Variants in LARS1 observed in about 807,000 individuals in gnomAD.
LARS1 encodes the protein leucyl-tRNA synthetase 1.
In LARS1, 100 loss-of-function variants were observed where a neutral mutation model predicts 162.8. The observed-to-expected ratio is 0.61, with a 90% CI of 0.52 to 0.73. LARS1 has a LOEUF of 0.73. LARS1 is among the 30% of genes least tolerant of loss of function. LARS1 has a pLI of 0.00. For missense variants in LARS1, 1,258 were observed against 1,408.9 expected (o/e 0.89, Z 1.71); for synonymous variants, 457 against 462.8 (o/e 0.99, Z 0.16).
rs764528161 is a variant in LARS1 at position 146,172,029 on chromosome 5, T to C, written c.214-39A>G. The stretch of plus-strand genomic sequence containing the variant: ...ATTAAATTTAAATTGCAAATTTAAA[T>C]GCCAGACAAATACAAAATGTGAACT... On this transcript the variant is annotated intron_variant, in intron 3 of 31. Transcript: ENST00000394434. The C allele has an allele frequency of 2.3e-5, 35 of 1,510,608 alleles. No individual in the cohort carries two copies. In the Admixed American group the frequency reaches 6.0e-4, roughly 26 times the overall value. The allele number at this position is 1,510,608 out of a possible 1,614,324, so 93.6% of individuals were successfully genotyped here. A position where few individuals can be genotyped will look rare whatever the true frequency, so the allele number is the denominator to read the frequency against.
intron 28 of LARS1, among the ~76,000 whole-genome samples, chr5:146,124,324 G>A (rs2126389102): frequency 6.6e-6 from 1 of 151,910 alleles, no homozygotes; most frequent in Admixed American, 6.6e-5. Context: ...GAAAAGATGG[G>A]AAGGCACAAG....
chr5:146,126,682 T>A, intron 27 of LARS1, 137 bp from the exon 28 acceptor site: 2 of 592,136 alleles, frequency 3.4e-6, no homozygotes, highest in Non-Finnish European at 6.1e-6. Context: ...AGCCCTAGCA[T>A]CACGGGGAAG....
In LARS1 at chr5:146,151,915, C is replaced by T; in HGVS notation, c.1372G>A (p.Glu458Lys). Residue 458 changes from glutamate (E) to lysine (K), a missense_variant, in exon 14 of 32, where the codon GAA becomes AAA. Physicochemically the swap from Glu to Lys is moderately conservative, Grantham distance 56 (BLOSUM62 1). Coordinates refer to ENST00000394434, the MANE Select transcript of LARS1 (RefSeq NM_020117.11). ...ELKIQSQNDR[E>K]KLAEAKEKIY... ...TTCTCCTTTGCTTCTGCAAGTTTTT[C>T]CCGGTCATTCTGGCTCTGAATTTTC... is the stretch of plus-strand genomic sequence containing the variant. 6.2e-7 allele frequency: 1 copy of T among 1,614,084 alleles called. No homozygotes were observed. The highest frequency in any genetic ancestry group is 1.1e-5 in the South Asian group (1 of 91,086).
At chr5:146,175,759 C>T (rs62373813) in intron 2 of LARS1, among the ~76,000 whole-genome samples, 33,574 of 150,276 alleles carry the variant, frequency 0.22, 4,787 homozygotes, top group Admixed American at 0.34. Context: ...ACCCGGCAGG[C>T]GGAGCTTGCA....
chr5:146,136,832 G>A (rs1475482600), intron 21 of LARS1, among the ~76,000 whole-genome samples: 1 of 152,130 alleles, frequency 6.6e-6, no homozygotes, highest in African/African-American at 2.4e-5. Flanking sequence ...TTAGGGCACA[G>A]GCTAAGTCTG....
chr5:146,117,374 C>A (rs1751602807), intron 31 of LARS1, among the ~76,000 whole-genome samples: 1 of 152,152 alleles, frequency 6.6e-6, no homozygotes, highest in African/African-American at 2.4e-5. Flanking sequence ...CTTTGGGAGG[C>A]CGAGACAGGC....
chr5:146,150,246 C>G (rs574591998), intron 14 of LARS1, among the ~76,000 whole-genome samples: 1 of 152,304 alleles, frequency 6.6e-6, no homozygotes, highest in South Asian at 2.1e-4. Flanking sequence ...AAGCCTCAAT[C>G]ACCTTCCAGC....
Position 146,157,630 on chromosome 5 carries a change from TGAGAAA to T in LARS1, c.840-8_840-3del. 1 of 1,612,638 alleles carries T rather than the reference TGAGAAA, an allele frequency of 6.2e-7. No individual in the cohort carries two copies. On this transcript the variant is annotated splice_polypyrimidine_tract_variant and splice_region_variant and intron_variant, in intron 9 of 31. Coordinates refer to ENST00000394434, the MANE Select transcript of LARS1 (RefSeq NM_020117.11). ...AAAATATTTTTACCTTTCAGGCCAC[TGAGAAA>T]AAAAAACAAATATTGATGTAAAAAC...
intron 1 of LARS1, among the ~76,000 whole-genome samples, chr5:146,177,997 C>A (rs1046533105): frequency 2.0e-5 from 3 of 151,942 alleles, no homozygotes; most frequent in African/African-American, 7.3e-5. Context: ...ACTCAGGAGG[C>A]TGAGGCAGGA....
intron 23 of LARS1, 106 bp downstream of exon 23, chr5:146,132,792 A>C: frequency 1.3e-6 from 1 of 781,846 alleles, no homozygotes; most frequent in Non-Finnish European, 1.9e-6. Context: ...TATTATCATT[A>C]GTTTATTTTA....
At chr5:146,172,847 G>C (rs1238608053) in intron 2 of LARS1, 73 bp from the exon 3 acceptor site, 2 of 668,826 alleles carry the variant, frequency 3.0e-6, no homozygotes, top group East Asian at 6.3e-5. Flanking sequence ...AAGGAAGTGG[G>C]GTGAAGGAAA....
chr5:146,167,255 A>T (rs945541707), intron 5 of LARS1, among the ~76,000 whole-genome samples: 1 of 152,212 alleles, frequency 6.6e-6, no homozygotes, highest in Non-Finnish European at 1.5e-5. Context: ...TAGTTTAGTA[A>T]ACACTACTGT....
chr5:146,133,334 T>C (rs955892878), intron 22 of LARS1, among the ~76,000 whole-genome samples: 1 of 152,172 alleles, frequency 6.6e-6, no homozygotes, highest in Non-Finnish European at 1.5e-5. Context: ...CTCAGGCATG[T>C]TGAGTTAATG....
chr5:146,149,694 C>T lies in LARS1; in HGVS notation c.1431G>A (p.Met477Ile), dbSNP rs780577819. Reference protein sequence around the residue: ...IYLKGFYEGIMLVDGFKGQKV... With the variant: ...IYLKGFYEGIILVDGFKGQKV... The stretch of plus-strand genomic sequence containing the variant: ...TCTGTCCTTTAAATCCATCCACCAA[C>T]ATGATCTAAAAGGATGAGAGGGGAG... The change falls in exon 15 of 32, where the codon ATG becomes ATA. Residue 477 changes from methionine to isoleucine, a missense_variant. By Grantham distance (10) the Met-to-Ile change is conservative (BLOSUM62 1). Transcript: ENST00000394434. 1.2e-6 allele frequency: 2 copies of T among 1,609,460 alleles called. No individual in the cohort carries two copies. The highest frequency in any genetic ancestry group is 2.2e-5 in the South Asian group (2 of 90,968).
chr5:146,163,066 C>T (rs532132995), intron 6 of LARS1, among the ~76,000 whole-genome samples: 1 of 152,326 alleles, frequency 6.6e-6, no homozygotes, highest in East Asian at 1.9e-4. Flanking sequence ...ACCTTGGCCT[C>T]CCAAAATGCT....
At chr5:146,178,365 G>A (rs764066277) in intron 1 of LARS1, among the ~76,000 whole-genome samples, 1 of 152,112 alleles carries the variant, frequency 6.6e-6, no homozygotes. Context: ...TGTAATCCCA[G>A]CACTTTGGGA....
In LARS1 at chr5:146,113,701, T is replaced by TA. The variant is rs1197869185; in HGVS notation, c.*404dup. Reference sequence around the variant, plus strand: ...CTGCTAATTTACTACTTTTCTTTTTTAAAAAAAAATACAGCTAACTCCATA... The same window carrying TA: ...CTGCTAATTTACTACTTTTCTTTTTTAAAAAAAAAATACAGCTAACTCCATA... On this transcript the variant is annotated 3_prime_UTR_variant, in exon 32 of 32. Transcript: ENST00000394434. The TA allele has an allele frequency of 5.2e-5, 8 of 154,052 alleles. No individual in the cohort carries two copies. Among genetic ancestry groups the TA allele is most frequent in the Non-Finnish European group, 1.0e-4 (7 of 69,666 alleles). 9.5% of individuals were successfully genotyped at this position (154,052 alleles called of 1,614,324 possible).
intron 25 of LARS1, 25 bp from the exon 26 acceptor site, chr5:146,129,143 A>C (rs1222730025): frequency 1.9e-6 from 3 of 1,554,628 alleles, no homozygotes; most frequent in Non-Finnish European, 2.6e-6. Flanking sequence ...AAAACAAAAA[A>C]ACCTTCAGTG....
At chr5:146,146,453 AT>A (rs1013947010) in intron 15 of LARS1, among the ~76,000 whole-genome samples, 7 of 150,556 alleles carry the variant, frequency 4.6e-5, no homozygotes, top group Non-Finnish European at 8.9e-5. Context: ...TGGTAAAAAA[AT>A]AACATAAGAT....
Sources: gnomAD v4.1 joint callset for allele counts (sites outside exome capture counted in the v4.1 genomes callset) on GRCh38, gnomAD v4.1.1 for gene constraint, MANE v1.5 for transcripts, NCBI Gene and HGNC (gene_info 2026-07-23, HGNC 2026-07-21) for gene names.